The following MCF2 variants were observed in gnomAD, a reference collection of about 807,000 sequenced individuals.
MCF2 encodes the protein proto-oncogene DBL.
MCF2 carries 44 observed loss-of-function variants against 82.5 expected under a neutral mutation model. The ratio of observed to expected loss-of-function variants is 0.53; its 90% CI spans 0.42 to 0.69. The LOEUF (loss-of-function observed/expected upper bound fraction) is 0.69, where lower values mean the gene tolerates loss of function less well. Ranked by LOEUF, MCF2 falls within the 30% of genes least tolerant of loss-of-function variation. The pLI is 0.00. For missense variants in MCF2, 623 were observed against 663.1 expected (o/e 0.94, Z 0.66); for synonymous variants, 217 against 224.9 (o/e 0.96, Z 0.32).
At chrX:139,655,847 C>T (rs1306410626) in intron 1 of MCF2, among the ~76,000 whole-genome samples, 1 of 111,372 alleles carries the variant, frequency 9.0e-6, no homozygotes, top group African/African-American at 3.3e-5. Context: ...GTATGGATGC[C>T]CCTTATTTCT....
intron 2 of MCF2, among the ~76,000 whole-genome samples, chrX:139,650,146 G>A (rs1933946318): frequency 9.0e-6 from 1 of 111,244 alleles, no homozygotes; most frequent in African/African-American, 3.3e-5. Context: ...CTTGAGGCCA[G>A]GAGTTCAAGA....
At chrX:139,690,834 G>T (rs1397115432) in intron 1 of MCF2, among the ~76,000 whole-genome samples, 1 of 111,666 alleles carries the variant, frequency 9.0e-6, no homozygotes, top group African/African-American at 3.3e-5. Flanking sequence ...AGGAAGGCGC[G>T]CACATCAATT....
At chrX:139,684,620 TATGCACTGCAATAAG>T (rs1178505001) in intron 1 of MCF2, among the ~76,000 whole-genome samples, 1 of 112,640 alleles carries the variant, frequency 8.9e-6, no homozygotes, top group Non-Finnish European at 1.9e-5. Context: ...GTGGCACATC[TATGCACTGCAATAAG>T]ATGCAGCCAT....
chrX:139,704,942 T>C (rs555301805), intron 1 of MCF2, among the ~76,000 whole-genome samples: 1 of 108,394 alleles, frequency 9.2e-6, no homozygotes, highest in African/African-American at 3.4e-5. Context: ...ACCAAAGCAA[T>C]CCAAAGCAAA....
At chrX:139,605,298 T>G (rs1930900843) in intron 13 of MCF2, among the ~76,000 whole-genome samples, 1 of 110,351 alleles carries the variant, frequency 9.1e-6, no homozygotes, top group African/African-American at 3.3e-5. Flanking sequence ...GATAAAAACA[T>G]AGACTACAGG....
At chrX:139,586,639 G>T (rs1928994277) in intron 22 of MCF2, 152 bp from the exon 27 acceptor site, 1 of 416,375 alleles carries the variant, frequency 2.4e-6, no homozygotes, top group Non-Finnish European at 4.2e-6. Flanking sequence ...AATCTGTGTG[G>T]CAATAGGTTA....
chrX:139,630,346 A>G (rs182483429), intron 3 of MCF2, among the ~76,000 whole-genome samples: 119 of 111,215 alleles, frequency 1.1e-3, no homozygotes, highest in Non-Finnish European at 2.0e-3. Flanking sequence ...ACTAGTCACA[A>G]CAACTCATTT....
intron 24 of MCF2, 60 bp downstream of exon 28, chrX:139,585,006 C>T: frequency 1.3e-6 from 1 of 798,801 alleles, no homozygotes. Flanking sequence ...CTATGTGCTC[C>T]ACCTATATTT....
intron 10 of MCF2, among the ~76,000 whole-genome samples, chrX:139,612,514 G>A (rs1931575633): frequency 9.2e-6 from 1 of 108,579 alleles, no homozygotes; most frequent in South Asian, 3.9e-4. Context: ...CCTGTGCTAG[G>A]TGCAGAATTA....
exon 24 of MCF2, chrX:139,585,160 T>G (rs1928840564): frequency 8.4e-7 from 1 of 1,187,744 alleles, no homozygotes; most frequent in Non-Finnish European, 1.1e-6. Flanking sequence ...TTCTGCAGAT[T>G]GTGATGCCTC....
chrX:139,665,897 G>GTGTATATATATA (rs1209903680), intron 1 of MCF2, among the ~76,000 whole-genome samples: 1 of 68,587 alleles, frequency 1.5e-5, no homozygotes, highest in Non-Finnish European at 2.6e-5. Flanking sequence ...AGGTGTGTGT[G>GTGTATATATATA]TATATATATA....
intron 19 of MCF2, among the ~76,000 whole-genome samples, chrX:139,594,548 T>C (rs1303212445): frequency 9.0e-6 from 1 of 110,955 alleles, no homozygotes; most frequent in Non-Finnish European, 1.9e-5. Flanking sequence ...ACTGGATCCC[T>C]TCCTTACACC....
chrX:139,645,301 T>C (rs1338403652), upstream of MCF2, among the ~76,000 whole-genome samples: 1 of 111,052 alleles, frequency 9.0e-6, no homozygotes, highest in Non-Finnish European at 1.9e-5. Context: ...CATAAAAACT[T>C]GCCTTGTCCT....
At chrX:139,613,639 C>A (rs923151348) in intron 10 of MCF2, among the ~76,000 whole-genome samples, 1 of 111,391 alleles carries the variant, frequency 9.0e-6, no homozygotes, top group African/African-American at 3.3e-5. Flanking sequence ...GGACACACAG[C>A]CAGTACATGG....
At chrX:139,659,181 G>A (rs1227111492) in intron 1 of MCF2, among the ~76,000 whole-genome samples, 2 of 110,743 alleles carry the variant, frequency 1.8e-5, no homozygotes, top group Non-Finnish European at 3.8e-5. Context: ...CCAGCTACTC[G>A]GGAGGCCCGG....
intron 8 of MCF2, 51 bp downstream of exon 11, chrX:139,617,462 G>GA (rs781227052): frequency 4.1e-5 from 42 of 1,031,778 alleles, no homozygotes; most frequent in Middle Eastern, 2.7e-4. Flanking sequence ...GCAGGACCTG[G>GA]AAAAAAATGT....
At chrX:139,600,607 C>T (rs1016931512) in intron 16 of MCF2, among the ~76,000 whole-genome samples, 3 of 111,787 alleles carry the variant, frequency 2.7e-5, no homozygotes, top group Non-Finnish European at 3.8e-5. Flanking sequence ...GATCATTATA[C>T]ACAAGGTAGC....
chrX:139,617,855 A>C (rs978452361), intron 7 of MCF2, 151 bp from the exon 11 acceptor site: 2 of 321,054 alleles, frequency 6.2e-6, no homozygotes, highest in African/African-American at 5.5e-5. Context: ...GGCTGCAAAA[A>C]AAAAAACACA....
chrX:139,582,923 T>C (rs1328216272), intron 24 of MCF2, among the ~76,000 whole-genome samples: 6 of 112,043 alleles, frequency 5.4e-5, no homozygotes. Flanking sequence ...CTAACATTAA[T>C]TAAAGAAATT....
Sources: gnomAD v4.1 joint callset for allele counts (sites outside exome capture counted in the v4.1 genomes callset) on GRCh38, gnomAD v4.1.1 for gene constraint, MANE v1.5 for transcripts, NCBI Gene and HGNC (gene_info 2026-07-23, HGNC 2026-07-21) for gene names.